Variants in AGO3 observed in about 807,000 individuals in gnomAD.
AGO3 encodes the protein argonaute RISC catalytic component 3.
Under a neutral mutation model 105.5 loss-of-function variants are expected in AGO3, and 16 were observed. That is an observed-to-expected ratio of 0.15 (90% CI 0.10 to 0.23). The LOEUF (loss-of-function observed/expected upper bound fraction) is 0.23, where lower values mean the gene tolerates loss of function less well. Ranked by LOEUF, AGO3 falls within the 10% of genes least tolerant of loss-of-function variation. The probability of loss-of-function intolerance (pLI) is 1.00; values close to 1 mark genes in which losing one functional copy is unlikely to be tolerated. For missense variants in AGO3, 534 were observed against 1,088.0 expected (o/e 0.49, Z 7.16); for synonymous variants, 340 against 367.3 (o/e 0.93, Z 0.85).
intron 17 of AGO3, among the ~76,000 whole-genome samples, chr1:36,043,791 C>G (rs1642348085): frequency 6.6e-6 from 1 of 151,926 alleles, no homozygotes; most frequent in Non-Finnish European, 1.5e-5. Context: ...CTCCCTAAAA[C>G]AGGCCCTTAA....
chr1:35,940,689 G>A (rs925296633), intron 1 of AGO3, among the ~76,000 whole-genome samples: 3 of 152,136 alleles, frequency 2.0e-5, no homozygotes, highest in Admixed American at 6.6e-5. Context: ...ATCAAGGTCA[G>A]CAAAGACTTA....
At chr1:36,045,572 A>G (rs1642433074) in intron 17 of AGO3, among the ~76,000 whole-genome samples, 1 of 149,676 alleles carries the variant, frequency 6.7e-6, no homozygotes, top group African/African-American at 2.5e-5. Flanking sequence ...GCTAGAGTGT[A>G]ATGGCGTGAT....
At chr1:35,941,249 C>T (rs1167055220) in intron 1 of AGO3, among the ~76,000 whole-genome samples, 1 of 152,072 alleles carries the variant, frequency 6.6e-6, no homozygotes, top group Non-Finnish European at 1.5e-5. Flanking sequence ...GGCCTACCTT[C>T]TAAATGTTTT....
chr1:35,933,960 T>G (rs1646102231), intron 1 of AGO3, among the ~76,000 whole-genome samples: 1 of 152,190 alleles, frequency 6.6e-6, no homozygotes, highest in South Asian at 2.1e-4. Flanking sequence ...AAGGATATCT[T>G]GTGCAATCTA....
rs945844560 is a variant in AGO3, at chr1:36,027,698, G to T, written c.1591+400G>T. Among the ~76,000 whole-genome samples the T allele has an allele frequency of 6.6e-6, 1 of 151,300 alleles. No individual in the cohort carries two copies. Among genetic ancestry groups the T allele is most frequent in the African/African-American group, 2.4e-5 (1 of 41,138 alleles). ...GGAGGCTGAGGCAGGAGAATGGCGT[G>T]AACCCAGGAGGTGGAGCTTGCAGTG... is the stretch of plus-strand genomic sequence containing the variant. On this transcript the variant is annotated intron_variant, in intron 12 of 18. Coordinates refer to ENST00000373191, the MANE Select transcript of AGO3 (RefSeq NM_024852.4). The surrounding 1 kb of genome is among the most constrained non-coding windows in gnomAD (Gnocchi z 4.0).
chr1:35,946,533 T>C lies in AGO3; in HGVS notation c.191+670T>C, dbSNP rs538735936. 8.6e-4 allele frequency among the ~76,000 whole-genome samples: 131 copies of C among 152,334 alleles called. 1 individual carries two copies. The highest frequency in any genetic ancestry group is 3.1e-3 in the African/African-American group (128 of 41,582). On this transcript the variant is annotated intron_variant, in intron 2 of 18. Transcript: ENST00000373191. ...CAACACATTTTAAAAAAATGTGATA[T>C]TCAGTTTAGCATTTTGGTTTCTATG...
At chr1:35,937,441 C>A (rs1292360195) in intron 1 of AGO3, among the ~76,000 whole-genome samples, 1 of 151,820 alleles carries the variant, frequency 6.6e-6, no homozygotes, top group Non-Finnish European at 1.5e-5. Flanking sequence ...ACCTGTAATC[C>A]CAGCACTTTA....
At chr1:35,970,674 G>A (rs1176687531) in intron 3 of AGO3, among the ~76,000 whole-genome samples, 1 of 151,196 alleles carries the variant, frequency 6.6e-6, no homozygotes. Flanking sequence ...ATTTATTTGG[G>A]TTCATTTGAT....
At position 35,941,193 on chromosome 1, in the gene AGO3, G is replaced by A. The variant is rs142287502; in HGVS notation, c.20-4499G>A. On this transcript the variant is annotated intron_variant, in intron 1 of 18. Transcript: ENST00000373191. ...GTACAGACCAAAAAACCTTGAGAAT[G>A]TTTCTCCTCATACCCCACATCTAGT... is the stretch of plus-strand genomic sequence containing the variant. 2.2e-3 allele frequency among the ~76,000 whole-genome samples: 332 copies of A among 152,160 alleles called. 1 individual carries two copies. Among genetic ancestry groups the A allele is most frequent in the Non-Finnish European group, 4.0e-3 (274 of 68,014 alleles).
At chr1:36,018,436 GT>G (rs374206121) in intron 11 of AGO3, among the ~76,000 whole-genome samples, 2,324 of 150,374 alleles carry the variant, frequency 0.015, 51 homozygotes, top group African/African-American at 0.053. Context: ...GAGGGTTTTT[GT>G]TTTTTTTTGT....
rs192959092 is a variant in AGO3 at position 36,014,635 on chromosome 1, G to A, written c.1406+587G>A. 8.3e-3 allele frequency among the ~76,000 whole-genome samples: 1,256 copies of A among 151,864 alleles called. 19 individuals carry two copies. The highest frequency in any genetic ancestry group is 0.028 in the African/African-American group (1,180 of 41,468). ...AAATACAAAAAATTAGCCAGGCGTG[G>A]TGGTGGGCGCCTGTAGTCTCAGTTA... On this transcript the variant is annotated intron_variant, in intron 11 of 18. Transcript: ENST00000373191.
intron 2 of AGO3, among the ~76,000 whole-genome samples, chr1:35,952,140 CTTTCTTTCTTTTTTT>C (rs1393545506): frequency 1.1e-5 from 1 of 87,774 alleles, no homozygotes; most frequent in African/African-American, 8.1e-5. Flanking sequence ...TTCTTTCTTT[CTTTCTTTCTTTTTTT>C]TTTTTTTTTT....
chr1:36,031,905 CGG>C (rs796683838), intron 12 of AGO3, among the ~76,000 whole-genome samples: 1 of 98,908 alleles, frequency 1.0e-5, no homozygotes, highest in African/African-American at 3.7e-5. Context: ...TGTGGGGGGG[CGG>C]GGGGTGTGTG....
chr1:36,030,519 A>G lies in AGO3; in HGVS notation c.1591+3221A>G, dbSNP rs541987479. On this transcript the variant is annotated intron_variant, in intron 12 of 18. Transcript: ENST00000373191. ...GACCCTTTCTCAAAAAAAAAAAAAA[A>G]AGAGAGAAGAAAAGTACAAATCAAT... 8.6e-4 allele frequency among the ~76,000 whole-genome samples: 130 copies of G among 151,892 alleles called. 1 individual carries two copies. The highest frequency in any genetic ancestry group is 3.4e-3 in the Middle Eastern group (1 of 292).
intron 1 of AGO3, among the ~76,000 whole-genome samples, chr1:35,932,784 A>G (rs1646077623): frequency 6.6e-6 from 1 of 152,122 alleles, no homozygotes; most frequent in Non-Finnish European, 1.5e-5. Context: ...TGTACAGGAG[A>G]TGTGATTATT....
intron 5 of AGO3, among the ~76,000 whole-genome samples, chr1:35,977,317 T>C (rs938012359): frequency 4.0e-5 from 6 of 151,052 alleles, no homozygotes; most frequent in African/African-American, 1.5e-4. Context: ...GCTCACATTT[T>C]ACTGGAAAAT....
intron 5 of AGO3, among the ~76,000 whole-genome samples, chr1:35,988,738 A>G (rs1208781800): frequency 6.6e-6 from 1 of 152,100 alleles, no homozygotes; most frequent in African/African-American, 2.4e-5. Flanking sequence ...TGCAGTGAAC[A>G]TGGGAGTGCA....
chr1:36,063,725 T>C lies in AGO3; in HGVS notation c.*7980T>C, dbSNP rs1273898922. 3 of 152,208 alleles carry C rather than the reference T, an allele frequency of 2.0e-5. No individual in the cohort carries two copies. Among genetic ancestry groups the C allele is most frequent in the Non-Finnish European group, 4.4e-5 (3 of 68,034 alleles). 9.4% of individuals were successfully genotyped at this position (152,208 alleles called of 1,614,324 possible). ...ATAAATTGGAAGGCAGCAAAAAGCA[T>C]GATTATAGAATATTAAGTTCAATTA... On this transcript the variant is annotated 3_prime_UTR_variant, in exon 19 of 19. Coordinates refer to ENST00000373191, the MANE Select transcript of AGO3 (RefSeq NM_024852.4).
At chr1:35,940,072 T>A (rs891402897) in intron 1 of AGO3, among the ~76,000 whole-genome samples, 6 of 146,228 alleles carry the variant, frequency 4.1e-5, no homozygotes, top group South Asian at 2.2e-4. Context: ...TAAAAAAAAA[T>A]TTTTTTTTTT....
Sources: allele counts gnomAD v4.1 joint callset (sites outside exome capture counted in the v4.1 genomes callset), GRCh38; gene constraint gnomAD v4.1.1; non-coding constraint Gnocchi (gnomAD v3.1); transcripts MANE v1.5; gene names NCBI Gene and HGNC (gene_info 2026-07-23, HGNC 2026-07-21).